Variants in MCTP1 observed in about 807,000 individuals in gnomAD.
MCTP1 encodes the protein multiple C2 and transmembrane domain containing 1, also known as multiple C2 and transmembrane domain-containing protein 1.
In MCTP1, 69 loss-of-function variants were observed where a neutral mutation model predicts 120.6. The observed-to-expected ratio is 0.57, with a 90% CI of 0.47 to 0.70. MCTP1 has a LOEUF of 0.70. Among genes scored for constraint, MCTP1 ranks in the 30% least tolerant of loss-of-function variants. The pLI, the probability that MCTP1 is intolerant of heterozygous loss-of-function variation, is 0.00. For synonymous variants in MCTP1, 529 were observed against 493.1 expected, an observed-to-expected ratio of 1.07 and a Z score of -0.96; for missense variants, 1,203 against 1,248.8, an observed-to-expected ratio of 0.96 and a Z score of 0.55.
chr5:94,985,536 C>T (rs1830285018), intron 2 of MCTP1, among the ~76,000 whole-genome samples: 1 of 152,150 alleles, frequency 6.6e-6, no homozygotes, highest in African/African-American at 2.4e-5. Context: ...ACTGCCAGTT[C>T]TGAAGATCTT....
intron 1 of MCTP1, among the ~76,000 whole-genome samples, chr5:95,184,012 T>G: frequency 6.8e-6 from 1 of 147,658 alleles, no homozygotes. Flanking sequence ...TGTTGGGGGG[T>G]GAGGGGCTAG....
chr5:94,940,618 G>GTATA (rs1273019362), intron 4 of MCTP1, among the ~76,000 whole-genome samples: 2 of 143,060 alleles, frequency 1.4e-5, no homozygotes, highest in African/African-American at 5.2e-5. Context: ...ATATATATGT[G>GTATA]TATATATATA....
At chr5:94,801,605 C>T (rs780409979) in intron 17 of MCTP1, among the ~76,000 whole-genome samples, 1 of 152,196 alleles carries the variant, frequency 6.6e-6, no homozygotes, top group Non-Finnish European at 1.5e-5. Flanking sequence ...ATGGATGGGA[C>T]TCAGATTATC....
intron 19 of MCTP1, among the ~76,000 whole-genome samples, chr5:94,753,311 A>G (rs1186944351): frequency 6.6e-6 from 1 of 152,218 alleles, no homozygotes; most frequent in Non-Finnish European, 1.5e-5. Context: ...CTAAGTTTTT[A>G]GTTCTCTAGT....
chr5:95,001,780 A>T (rs1482099729), intron 2 of MCTP1, among the ~76,000 whole-genome samples: 1 of 152,178 alleles, frequency 6.6e-6, no homozygotes, highest in Non-Finnish European at 1.5e-5. Context: ...GAAAAGAAAA[A>T]ATCATTTTTG....
At position 94,824,420 on chromosome 5, in the gene MCTP1, T is replaced by G. The variant is rs564143841; in HGVS notation, c.2437-25288A>C. On this transcript the variant is annotated intron_variant, in intron 17 of 22. Coordinates refer to ENST00000515393, the MANE Select transcript of MCTP1 (RefSeq NM_024717.7). ...GACTTGGTAGTGGTGGATAAGCTTT[T>G]TAATGTGCTGCTGGATTCGTTTTGC... Among the ~76,000 whole-genome samples the G allele has an allele frequency of 5.7e-4, 87 of 152,358 alleles. 1 individual carries two copies. In the South Asian group the frequency reaches 0.017, roughly 30 times the overall value.
intron 17 of MCTP1, chr5:94,825,867 T>G (rs1580886352): frequency 5.7e-6 from 1 of 174,088 alleles, no homozygotes; most frequent in South Asian, 1.5e-4. Context: ...CGATCTTTGT[T>G]AGTTTAACAT....
chr5:95,001,461 T>C (rs1052019862), intron 2 of MCTP1, among the ~76,000 whole-genome samples: 2 of 152,114 alleles, frequency 1.3e-5, no homozygotes, highest in Admixed American at 1.3e-4. Context: ...GAGGAAACCT[T>C]TGGAACTTCC....
chr5:95,211,416 T>G (rs1284183500), intron 1 of MCTP1, among the ~76,000 whole-genome samples: 1 of 152,200 alleles, frequency 6.6e-6, no homozygotes, highest in African/African-American at 2.4e-5. Flanking sequence ...TCGCTTCATT[T>G]AATTCATTTC....
chr5:95,230,796 G>A lies in MCTP1; in HGVS notation c.720+53060C>T, dbSNP rs150703395. Among the ~76,000 whole-genome samples, 172 of 152,200 alleles carry A rather than the reference G, an allele frequency of 1.1e-3. 3 individuals are homozygous for A. The Middle Eastern group carries it at 0.02, about 18-fold the overall frequency. ...TAAACTTCAATGAAGTGAATTTGACGTGAATTGACACTGACAGCTGTAAGA... is the reference window on the plus strand; with the variant it reads ...TAAACTTCAATGAAGTGAATTTGACATGAATTGACACTGACAGCTGTAAGA... On this transcript the variant is annotated intron_variant, in intron 1 of 22. Coordinates refer to ENST00000515393, the MANE Select transcript of MCTP1 (RefSeq NM_024717.7).
At chr5:95,265,106 A>G (rs955302636) in intron 1 of MCTP1, among the ~76,000 whole-genome samples, 1 of 151,474 alleles carries the variant, frequency 6.6e-6, no homozygotes, top group African/African-American at 2.4e-5. Context: ...CCTACCCACC[A>G]CTCCTCAAAT....
Position 94,894,719 on chromosome 5 carries a change from A to C in MCTP1, c.1769T>G (p.Val590Gly), listed in dbSNP as rs1389890247. The C allele has an allele frequency of 6.2e-7, 1 of 1,613,872 alleles. No homozygotes were observed. The highest frequency in any genetic ancestry group is 2.2e-5 in the East Asian group (1 of 44,866). Residue 590 changes from valine (V) to glycine (G), a missense_variant, in exon 11 of 23, where the codon GTC becomes GGC. This residue lies in a region of MCTP1 where 740 missense variants were observed against 871.1 expected (regional missense o/e 0.85). Coordinates refer to ENST00000515393, the MANE Select transcript of MCTP1 (RefSeq NM_024717.7). ...LLVTLTASAT[V>G]SISDLSVNSL... ...GTTGACAGACAGGTCAGAGATGCTG[A>C]CTGTGGCTGATGCTGTCAGAGTGAC...
intron 1 of MCTP1, among the ~76,000 whole-genome samples, chr5:95,187,254 G>A (rs887518152): frequency 1.3e-5 from 2 of 152,122 alleles, no homozygotes; most frequent in African/African-American, 2.4e-5. Flanking sequence ...TATACAAAAT[G>A]GAATACTATT....
chr5:94,909,102 A>G, intron 10 of MCTP1, 149 bp downstream of exon 10: 1 of 924,344 alleles, frequency 1.1e-6, no homozygotes, highest in South Asian at 1.7e-5. Flanking sequence ...TTTTGAATCT[A>G]TTTTTCAGTT....
At chr5:94,958,744 C>A (rs954571639) in intron 2 of MCTP1, among the ~76,000 whole-genome samples, 1 of 152,160 alleles carries the variant, frequency 6.6e-6, no homozygotes, top group Non-Finnish European at 1.5e-5. Context: ...CCTGAATAGA[C>A]CAATAACAAG....
chr5:95,026,806 A>C (rs1454532717), intron 1 of MCTP1, among the ~76,000 whole-genome samples: 3 of 152,176 alleles, frequency 2.0e-5, no homozygotes, highest in Admixed American at 1.3e-4. Flanking sequence ...TGCAGATCTA[A>C]CTTTGTCTGT....
Position 94,870,906 on chromosome 5 carries a change from A to T in MCTP1, c.2207T>A (p.Val736Asp). Reference protein sequence around the residue: ...NKQLTGPTKGVIYLEIDVIFN... With the variant: ...NKQLTGPTKGDIYLEIDVIFN... ...AATCACATCTATTTCAAGATAGATG[A>T]CCCCCTTTGTTGGCCCTGTCAGCTG... is the stretch of plus-strand genomic sequence containing the variant. Residue 736 changes from valine (V) to aspartate (D), a missense_variant, in exon 15 of 23, where the codon GTC becomes GAC. This residue lies in a region of MCTP1 where 740 missense variants were observed against 871.1 expected (regional missense o/e 0.85). Transcript: ENST00000515393. 3.7e-6 allele frequency: 6 copies of T among 1,612,812 alleles called. No homozygotes were observed. Among genetic ancestry groups the T allele is most frequent in the Non-Finnish European group, 5.1e-6 (6 of 1,179,286 alleles).
At chr5:94,842,093 G>T (rs554087445) in intron 17 of MCTP1, among the ~76,000 whole-genome samples, 3 of 152,162 alleles carry the variant, frequency 2.0e-5, no homozygotes, top group Admixed American at 6.5e-5. Context: ...ACAGTCATAC[G>T]CAACGCTGTT....
chr5:95,109,036 T>C (rs1757280787), intron 1 of MCTP1, among the ~76,000 whole-genome samples: 1 of 152,218 alleles, frequency 6.6e-6, no homozygotes, highest in Admixed American at 6.5e-5. Context: ...CACATGAAGG[T>C]TACCTGATAA....
Sources: allele counts gnomAD v4.1 joint callset (sites outside exome capture counted in the v4.1 genomes callset), GRCh38; gene constraint gnomAD v4.1.1; regional missense constraint gnomAD v4.1.1; transcripts MANE v1.5; gene names NCBI Gene and HGNC (gene_info 2026-07-23, HGNC 2026-07-21).